Variants in PLCG2 observed in about 807,000 individuals in gnomAD.
PLCG2 encodes the protein 1-phosphatidylinositol 4,5-bisphosphate phosphodiesterase gamma-2.
A neutral mutation model predicts 175.6 loss-of-function variants in PLCG2; 69 were observed. That is an observed-to-expected ratio of 0.39 (90% CI 0.32 to 0.48). PLCG2 has a LOEUF of 0.48. Ranked by LOEUF, PLCG2 falls within the 20% of genes least tolerant of loss-of-function variation. PLCG2 has a pLI of 0.91. For synonymous variants in PLCG2, 827 were observed against 624.0 expected, an observed-to-expected ratio of 1.33 and a Z score of -4.85; for missense variants, 1,798 against 1,650.9, an observed-to-expected ratio of 1.09 and a Z score of -1.54.
In PLCG2 at chr16:81,960,676, T is replaced by C. The variant is rs987778390; in HGVS notation, c.*2678T>C. On this transcript the variant is annotated 3_prime_UTR_variant, in exon 33 of 33. Coordinates refer to ENST00000564138, the MANE Select transcript of PLCG2 (RefSeq NM_002661.5). ...GGGACTTATCTATAGTGGAACACAT[T>C]TGAAGACCTACTGCTCTATTAAGAA... is the stretch of plus-strand genomic sequence containing the variant. The C allele has an allele frequency of 4.3e-6, 1 of 230,624 alleles. No homozygotes were observed. Among genetic ancestry groups the C allele is most frequent in the Non-Finnish European group, 8.6e-6 (1 of 116,352 alleles). The allele number at this position is 230,624 out of a possible 1,614,324, so 14.3% of individuals were successfully genotyped here.
rs571191390 is a variant in PLCG2 at position 81,849,188 on chromosome 16, G to A, written c.194-5256G>A. On this transcript the variant is annotated intron_variant, in intron 2 of 32. Transcript: ENST00000564138. ...GGCTTGATCCCAAGGAGTGGCATGA[G>A]CCTGTTTGTATTTCGTAAGGTGACT... Among the ~76,000 whole-genome samples the A allele has an allele frequency of 2.6e-5, 4 of 152,246 alleles. 1 individual carries two copies. Among genetic ancestry groups the A allele is most frequent in the South Asian group, 4.1e-4 (2 of 4,822 alleles).
intron 4 of PLCG2, 95 bp from the exon 5 acceptor site, chr16:81,859,021 G>T: frequency 2.7e-6 from 2 of 737,088 alleles, no homozygotes; most frequent in East Asian, 2.6e-5. Flanking sequence ...TTTGGTTCCA[G>T]TTCCTTTTGT....
chr16:81,741,078 G>A (rs1198258419), intron 1 of PLCG2, among the ~76,000 whole-genome samples: 1 of 152,182 alleles, frequency 6.6e-6, no homozygotes, highest in African/African-American at 2.4e-5. Context: ...AGCGCTCTTG[G>A]CCTTTGTTTT....
intron 2 of PLCG2, among the ~76,000 whole-genome samples, chr16:81,765,564 G>C (rs969883709): frequency 6.6e-6 from 1 of 152,238 alleles, no homozygotes; most frequent in Non-Finnish European, 1.5e-5. Flanking sequence ...CCGAGAAGCA[G>C]AGGTTGCTGT....
At chr16:81,753,242 G>C (rs1416991452) in intron 1 of PLCG2, among the ~76,000 whole-genome samples, 1 of 150,578 alleles carries the variant, frequency 6.6e-6, no homozygotes, top group Non-Finnish European at 1.5e-5. Flanking sequence ...ACGAGCTTTA[G>C]TTTTCCCACT....
chr16:81,922,110 A>T (rs2143689344), intron 21 of PLCG2, among the ~76,000 whole-genome samples: 1 of 152,278 alleles, frequency 6.6e-6, no homozygotes, highest in African/African-American at 2.4e-5. Context: ...GAAGCAGGAT[A>T]CGCAAGTAGA....
At chr16:81,942,221 G>A (rs889044022) in intron 30 of PLCG2, among the ~76,000 whole-genome samples, 1 of 152,166 alleles carries the variant, frequency 6.6e-6, no homozygotes, top group South Asian at 2.1e-4. Flanking sequence ...ACCCCTCCCA[G>A]TGCCTTGCAG....
chr16:81,934,543 C>A lies in PLCG2; in HGVS notation c.2842+12C>A, dbSNP rs763313210. The A allele has an allele frequency of 1.3e-5, 20 of 1,487,956 alleles. No individual in the cohort carries two copies. The highest frequency in any genetic ancestry group is 1.8e-5 in the Non-Finnish European group (19 of 1,065,372). The allele number at this position is 1,487,956 out of a possible 1,614,324, so 92.2% of individuals were successfully genotyped here. On this transcript the variant is annotated intron_variant, in intron 26 of 32. Coordinates refer to ENST00000564138, the MANE Select transcript of PLCG2 (RefSeq NM_002661.5). ...CAAGGACAACTTAGGTAACATCTTTCCCAAGAACATGCCCTATAACTCCAA... is the reference window on the plus strand; with the variant it reads ...CAAGGACAACTTAGGTAACATCTTTACCAAGAACATGCCCTATAACTCCAA...
intron 6 of PLCG2, among the ~76,000 whole-genome samples, chr16:81,870,495 G>A (rs998349921): frequency 2.0e-5 from 3 of 152,180 alleles, no homozygotes; most frequent in African/African-American, 7.2e-5. Flanking sequence ...TACGCATCAT[G>A]TCTCTTGGAA....
chr16:81,901,883 A>G (rs1909167821), intron 14 of PLCG2, among the ~76,000 whole-genome samples: 2 of 152,246 alleles, frequency 1.3e-5, no homozygotes, highest in Admixed American at 6.5e-5. Flanking sequence ...TTTCAATATA[A>G]TTGAGTTTCC....
At chr16:81,775,299 C>G (rs2143118883), upstream of PLCG2, among the ~76,000 whole-genome samples, 1 of 152,254 alleles carries the variant, frequency 6.6e-6, no homozygotes, top group East Asian at 1.9e-4. Context: ...TGTAGATTTG[C>G]TAATTCTGCA....
intron 19 of PLCG2, among the ~76,000 whole-genome samples, chr16:81,915,196 G>A (rs888640800): frequency 1.3e-5 from 2 of 152,180 alleles, no homozygotes; most frequent in Non-Finnish European, 2.9e-5. Context: ...CCAGGGAAAC[G>A]GATGGGGAAT....
At chr16:81,751,173 G>T (rs1909805668) in intron 1 of PLCG2, among the ~76,000 whole-genome samples, 1 of 150,966 alleles carries the variant, frequency 6.6e-6, no homozygotes, top group South Asian at 2.1e-4. Flanking sequence ...TAGAGATGGG[G>T]TTTCACTATG....
At chr16:81,749,761 C>T (rs998764600) in intron 1 of PLCG2, among the ~76,000 whole-genome samples, 3 of 152,222 alleles carry the variant, frequency 2.0e-5, no homozygotes, top group Non-Finnish European at 2.9e-5. Context: ...ATGTGTCCAG[C>T]ATTTACACAG....
chr16:81,910,661 C>G lies in PLCG2; in HGVS notation c.1875C>G (p.Ala625=), dbSNP rs753539229. Residue 625 remains alanine, a synonymous_variant, in exon 18 of 33, where the codon GCC becomes GCG. Transcript: ENST00000564138. ...QHYRETHLRC[A]EFELRLTDPV... is the part of the protein sequence containing the mutation. ...ACCGCGAGACGCACCTGCGCTGCGCCGAGTTCGAGCTGCGGCTCACGGACC... is the reference window on the plus strand; with the variant it reads ...ACCGCGAGACGCACCTGCGCTGCGCGGAGTTCGAGCTGCGGCTCACGGACC... The G allele has an allele frequency of 6.2e-7, 1 of 1,613,602 alleles. No individual in the cohort carries two copies. The highest frequency in any genetic ancestry group is 1.7e-5 in the Admixed American group (1 of 60,034).
At chr16:81,764,549 C>A (rs1300616266) in intron 2 of PLCG2, among the ~76,000 whole-genome samples, 1 of 152,184 alleles carries the variant, frequency 6.6e-6, no homozygotes, top group African/African-American at 2.4e-5. Context: ...GTGCCCCGTG[C>A]AGGTCTCACC....
rs577381463 is a variant in PLCG2 at position 81,921,184 on chromosome 16, C to CT, written c.2236-5dup. 1.4e-4 allele frequency: 202 copies of CT among 1,496,140 alleles called. No homozygotes were observed. Among genetic ancestry groups the CT allele is most frequent in the African/African-American group, 2.7e-4 (20 of 72,868 alleles). 92.7% of individuals were successfully genotyped at this position (1,496,140 alleles called of 1,614,324 possible). A position where few individuals can be genotyped will look rare whatever the true frequency, so the allele number is the denominator to read the frequency against. On this transcript the variant is annotated splice_polypyrimidine_tract_variant and intron_variant, in intron 20 of 32. Transcript: ENST00000564138. ...CATGGATTATTCCATTTCTTTCTTT[C>CT]TTTTTTTTTCCAGGAAAGAGATATA...
Position 81,802,093 on chromosome 16 carries a change from C to CTTTTTTTTT in PLCG2, c.193+15941_193+15949dup, listed in dbSNP as rs1157731599. Among the ~76,000 whole-genome samples the CTTTTTTTTT allele has an allele frequency of 6.2e-3, 248 of 40,014 alleles. 94 individuals carry two copies. Among genetic ancestry groups the CTTTTTTTTT allele is most frequent in the East Asian group, 9.2e-3 (7 of 760 alleles). 26.3% of individuals were successfully genotyped at this position (40,014 alleles called of 152,430 possible). ...GTTAGCTCCTTCAGGTGAGTACAGT[C>CTTTTTTTTT]TTTTTTTTTTTTTTTTTTTTTTTTT... On this transcript the variant is annotated intron_variant, in intron 2 of 32. Transcript: ENST00000564138.
chr16:81,778,782 C>T (rs929437444), upstream of PLCG2, among the ~76,000 whole-genome samples: 1 of 151,792 alleles, frequency 6.6e-6, no homozygotes, highest in Non-Finnish European at 1.5e-5. Flanking sequence ...CAATTCCTGG[C>T]GGGTAATTGT....
Sources: gnomAD v4.1 joint callset for allele counts (sites outside exome capture counted in the v4.1 genomes callset) on GRCh38, gnomAD v4.1.1 for gene constraint, MANE v1.5 for transcripts, NCBI Gene and HGNC (gene_info 2026-07-23, HGNC 2026-07-21) for gene names.